OR3A2: variants seen among roughly 807,000 people sequenced by gnomAD.
The protein encoded by OR3A2 is olfactory receptor family 3 subfamily A member 2.
For synonymous variants in OR3A2, 126 were observed against 159.3 expected, an observed-to-expected ratio of 0.79 and a Z score of 1.57; for missense variants, 318 against 392.8, an observed-to-expected ratio of 0.81 and a Z score of 1.61.
intron 2 of OR3A2, among the ~76,000 whole-genome samples, chr17:3,353,768 T>G (rs557273228): frequency 1.3e-5 from 2 of 151,948 alleles, no homozygotes; most frequent in South Asian, 4.1e-4. Context: ...AAGCACATCA[T>G]GGAAAATAGG....
intron 3 of OR3A2, among the ~76,000 whole-genome samples, chr17:3,334,064 C>G (rs1393950970): frequency 6.6e-6 from 1 of 152,148 alleles, no homozygotes; most frequent in East Asian, 1.9e-4. Context: ...GATATCATCT[C>G]ACACCAGTCA....
chr17:3,372,236 CA>C (rs2049634712), intron 2 of OR3A2, among the ~76,000 whole-genome samples: 1 of 148,620 alleles, frequency 6.7e-6, no homozygotes, highest in African/African-American at 2.5e-5. Flanking sequence ...GGCGGCCGGG[CA>C]GAGATGCTCC....
intron 3 of OR3A2, among the ~76,000 whole-genome samples, chr17:3,321,596 T>C (rs1213895169): frequency 2.6e-5 from 4 of 152,222 alleles, no homozygotes; most frequent in African/African-American, 9.6e-5. Context: ...TGAAGCGTTG[T>C]TGAATTTTGT....
At chr17:3,282,390 C>T (rs923985002) in intron 1 of OR3A2, among the ~76,000 whole-genome samples, 16 of 150,124 alleles carry the variant, frequency 1.1e-4, no homozygotes, top group African/African-American at 3.0e-4. Context: ...TGGGCGACTC[C>T]GTCTGAGATT....
rs200387479 is a variant in OR3A2 at position 3,348,088 on chromosome 17, G to A, written c.-178-11962C>T. On this transcript the variant is annotated intron_variant, in intron 2 of 4. Transcript: ENST00000573491. ...ACGTCCTTTGCCCACTTTTTGATGG[G>A]GTTGTTTGTTTTTTTCTTGTAAATT... Among the ~76,000 whole-genome samples, 411 of 152,072 alleles carry A rather than the reference G, an allele frequency of 2.7e-3. 3 individuals are homozygous for A. The East Asian group carries it at 0.029, about 11-fold the overall frequency.
chr17:3,312,088 T>C (rs1284997975), intron 3 of OR3A2, among the ~76,000 whole-genome samples: 1 of 152,072 alleles, frequency 6.6e-6, no homozygotes, highest in African/African-American at 2.4e-5. Context: ...GTGGTCTGCC[T>C]TGGATTGAGG....
At chr17:3,363,122 C>G (rs376305465) in intron 2 of OR3A2, among the ~76,000 whole-genome samples, 4 of 151,952 alleles carry the variant, frequency 2.6e-5, no homozygotes, top group African/African-American at 2.4e-5. Context: ...TCCCCATTGT[C>G]TTGGCTCCCC....
At chr17:3,325,627 T>C (rs1202008684) in intron 3 of OR3A2, among the ~76,000 whole-genome samples, 1 of 152,132 alleles carries the variant, frequency 6.6e-6, no homozygotes, top group Non-Finnish European at 1.5e-5. Context: ...CGTGTTAGTA[T>C]ACCACAATGT....
intron 3 of OR3A2, among the ~76,000 whole-genome samples, chr17:3,301,706 T>C (rs937983352): frequency 6.6e-6 from 1 of 152,208 alleles, no homozygotes; most frequent in Non-Finnish European, 1.5e-5. Flanking sequence ...TAGGTCCCAT[T>C]TGTCAATTTT....
intron 2 of OR3A2, among the ~76,000 whole-genome samples, chr17:3,362,385 T>A (rs931327380): frequency 6.6e-6 from 1 of 151,724 alleles, no homozygotes; most frequent in Non-Finnish European, 1.5e-5. Context: ...GATTCACTGA[T>A]GTTTTGAAGG....
At chr17:3,286,517 T>A (rs1484381883), upstream of OR3A2, among the ~76,000 whole-genome samples, 3 of 152,198 alleles carry the variant, frequency 2.0e-5, no homozygotes, top group Non-Finnish European at 4.4e-5. Context: ...GTTGAATTAG[T>A]TTACACTCCC....
intron 2 of OR3A2, among the ~76,000 whole-genome samples, chr17:3,349,290 T>C (rs1373086133): frequency 1.3e-5 from 2 of 152,054 alleles, no homozygotes; most frequent in Non-Finnish European, 2.9e-5. Flanking sequence ...GAAACCCATC[T>C]CACGGGCAGA....
chr17:3,335,591 T>G (rs963351590), intron 3 of OR3A2, among the ~76,000 whole-genome samples: 5 of 152,212 alleles, frequency 3.3e-5, no homozygotes, highest in African/African-American at 1.2e-4. Flanking sequence ...CCTAAATCAC[T>G]ATGGCTCAAA....
intron 2 of OR3A2, among the ~76,000 whole-genome samples, chr17:3,354,483 T>C (rs2049447490): frequency 6.6e-6 from 1 of 151,338 alleles, no homozygotes; most frequent in Non-Finnish European, 1.5e-5. Flanking sequence ...TATTTGTATT[T>C]TGGATTTCTT....
chr17:3,349,985 G>A (rs1334502733), intron 2 of OR3A2, among the ~76,000 whole-genome samples: 21 of 147,896 alleles, frequency 1.4e-4, no homozygotes, highest in Non-Finnish European at 2.7e-4. Context: ...TGAAACCAAC[G>A]AGAACAAAGA....
chr17:3,357,208 T>C (rs551924680), intron 2 of OR3A2, among the ~76,000 whole-genome samples: 57 of 151,748 alleles, frequency 3.8e-4, no homozygotes, highest in African/African-American at 1.3e-3. Flanking sequence ...TTGGGAACCA[T>C]GGGGCTTCAT....
chr17:3,332,756 A>T (rs570656729), intron 3 of OR3A2, among the ~76,000 whole-genome samples: 82 of 152,300 alleles, frequency 5.4e-4, no homozygotes, highest in African/African-American at 1.9e-3. Context: ...GCAATCTCCG[A>T]ACATAAATTG....
intron 2 of OR3A2, among the ~76,000 whole-genome samples, chr17:3,348,096 G>GT (rs1198638986): frequency 2.6e-5 from 4 of 151,962 alleles, no homozygotes; most frequent in South Asian, 2.1e-4. Flanking sequence ...GGGGTTGTTT[G>GT]TTTTTTTCTT....
intron 1 of OR3A2, among the ~76,000 whole-genome samples, chr17:3,283,765 A>T (rs964051434): frequency 2.0e-5 from 3 of 151,910 alleles, no homozygotes; most frequent in Non-Finnish European, 4.4e-5. Flanking sequence ...TCCCAAAACA[A>T]TACGGCCCTT....
Sources: gnomAD v4.1 joint callset for allele counts (sites outside exome capture counted in the v4.1 genomes callset) on GRCh38, gnomAD v4.1.1 for gene constraint, MANE v1.5 for transcripts, NCBI Gene and HGNC (gene_info 2026-07-23, HGNC 2026-07-21) for gene names.